The following EXOC4 variants were observed in gnomAD, a reference collection of about 807,000 sequenced individuals.
EXOC4 encodes SEC8-like 1.
EXOC4 carries 71 observed loss-of-function variants against 107.2 expected under a neutral mutation model. The ratio of observed to expected loss-of-function variants is 0.66; its 90% CI spans 0.55 to 0.81. The LOEUF is 0.81. EXOC4 is among the 30% of genes least tolerant of loss of function. The pLI is 0.00. For missense variants in EXOC4, 1,108 were observed against 1,189.6 expected (o/e 0.93, Z 1.01); for synonymous variants, 456 against 441.2 (o/e 1.03, Z -0.42).
At chr7:133,270,943 G>C (rs1266694893) in intron 1 of EXOC4, among the ~76,000 whole-genome samples, 1 of 147,792 alleles carries the variant, frequency 6.8e-6, no homozygotes, top group Admixed American at 6.7e-5. Flanking sequence ...TTTTGAGATG[G>C]AGTCTCTCTC....
chr7:133,754,863 A>G (rs558424426), intron 10 of EXOC4, among the ~76,000 whole-genome samples: 4 of 152,168 alleles, frequency 2.6e-5, no homozygotes, highest in South Asian at 2.1e-4. Flanking sequence ...CTTTTTCTCT[A>G]CATATTTGCC....
intron 11 of EXOC4, among the ~76,000 whole-genome samples, chr7:133,846,932 C>T (rs1288672266): frequency 6.6e-6 from 1 of 152,168 alleles, no homozygotes; most frequent in East Asian, 1.9e-4. Context: ...GTAAAGTTCA[C>T]GGTAATAGCA....
intron 2 of EXOC4, among the ~76,000 whole-genome samples, chr7:133,287,318 TA>T (rs1432594466): frequency 4.6e-5 from 7 of 151,798 alleles, no homozygotes; most frequent in East Asian, 3.9e-4. Context: ...TATATATGTA[TA>T]TTTTTTTTTG....
chr7:133,302,154 C>T (rs1794655091), intron 3 of EXOC4, among the ~76,000 whole-genome samples: 1 of 152,096 alleles, frequency 6.6e-6, no homozygotes, highest in African/African-American at 2.4e-5. Flanking sequence ...GTTATAGAAA[C>T]ATTTTTTAGA....
rs542629467 is a variant in EXOC4 at position 133,819,321 on chromosome 7, A to G, written c.1734+1777A>G. ...GATCCCAGATAGATCTCCCCAGTTAATCAGGATTTTAACACTTTGGTTTTT... is the reference window on the plus strand; with the variant it reads ...GATCCCAGATAGATCTCCCCAGTTAGTCAGGATTTTAACACTTTGGTTTTT... On this transcript the variant is annotated intron_variant, in intron 11 of 17. Coordinates refer to ENST00000253861, the MANE Select transcript of EXOC4 (RefSeq NM_021807.4). Among the ~76,000 whole-genome samples, 16 of 146,412 alleles carry G rather than the reference A, an allele frequency of 1.1e-4. No individual in the cohort carries two copies. The South Asian group carries it at 3.4e-3, about 31-fold the overall frequency.
the EXOC4 span, among the ~76,000 whole-genome samples, chr7:134,082,336 A>G: frequency 1.3e-5 from 2 of 152,176 alleles, no homozygotes; most frequent in Non-Finnish European, 1.5e-5. Context: ...GTAAACTGTC[A>G]TGGCACTGAT....
chr7:134,052,708 T>C (rs6975523), intron 17 of EXOC4, among the ~76,000 whole-genome samples: 63,771 of 152,072 alleles, frequency 0.42, 14,002 homozygotes, highest in East Asian at 0.61. Flanking sequence ...TATCCCATGC[T>C]TAAATGAAAA....
intron 6 of EXOC4, among the ~76,000 whole-genome samples, chr7:133,358,796 C>G (rs201968296): frequency 6.7e-6 from 1 of 149,836 alleles, no homozygotes; most frequent in Non-Finnish European, 1.5e-5. Flanking sequence ...TTTTTTTCCC[C>G]TTGCCTAAAC....
intron 11 of EXOC4, among the ~76,000 whole-genome samples, chr7:133,846,133 A>T (rs1396564504): frequency 6.6e-6 from 1 of 152,188 alleles, no homozygotes; most frequent in African/African-American, 2.4e-5. Context: ...ATAAGGGATA[A>T]AGTGAAAGGA....
chr7:134,035,310 GC>G (rs1795364513), intron 17 of EXOC4, among the ~76,000 whole-genome samples: 1 of 152,094 alleles, frequency 6.6e-6, no homozygotes, highest in East Asian at 1.9e-4. Context: ...CTCCCAAAGT[GC>G]TGGGATTACA....
At chr7:133,480,312 A>G in intron 9 of EXOC4, 174 bp downstream of exon 9, 1 of 1,439,424 alleles carries the variant, frequency 6.9e-7, no homozygotes, top group South Asian at 1.4e-5. Flanking sequence ...AGGTAAAACT[A>G]TTACTGTGGC....
chr7:133,743,645 A>AT (rs2151131003), intron 10 of EXOC4, among the ~76,000 whole-genome samples: 1 of 107,086 alleles, frequency 9.3e-6, no homozygotes, highest in African/African-American at 4.2e-5. Context: ...AAACCATGAA[A>AT]TTAGTCAAAA....
downstream of EXOC4, among the ~76,000 whole-genome samples, chr7:134,067,867 C>G (rs1274353062): frequency 6.6e-6 from 1 of 152,154 alleles, no homozygotes; most frequent in East Asian, 1.9e-4. Flanking sequence ...CAGGGTCTCT[C>G]ATCCTAGGCG....
intron 14 of EXOC4, among the ~76,000 whole-genome samples, chr7:133,949,996 C>A (rs998369995): frequency 6.6e-6 from 1 of 152,074 alleles, no homozygotes; most frequent in Non-Finnish European, 1.5e-5. Context: ...GGGGTCTTCC[C>A]TTCTTCTTTT....
intron 14 of EXOC4, among the ~76,000 whole-genome samples, chr7:133,952,915 C>CT (rs1179792384): frequency 6.6e-6 from 1 of 152,156 alleles, no homozygotes; most frequent in Non-Finnish European, 1.5e-5. Flanking sequence ...GCTTAGGGTG[C>CT]TTCCATCTTT....
intron 5 of EXOC4, among the ~76,000 whole-genome samples, chr7:133,317,632 A>AT (rs1173365125): frequency 6.6e-6 from 1 of 152,156 alleles, no homozygotes; most frequent in East Asian, 1.9e-4. Context: ...CTGCCTGCTG[A>AT]ATCCAGCTGC....
chr7:133,336,379 C>T (rs1795512892), intron 5 of EXOC4, among the ~76,000 whole-genome samples: 1 of 152,096 alleles, frequency 6.6e-6, no homozygotes, highest in Non-Finnish European at 1.5e-5. Flanking sequence ...AGGTCAGGGT[C>T]TATGCTCATA....
At chr7:133,898,745 CAAAAAAA>C (rs869131471) in intron 12 of EXOC4, among the ~76,000 whole-genome samples, 10 of 64,792 alleles carry the variant, frequency 1.5e-4, no homozygotes, top group East Asian at 9.4e-4. Flanking sequence ...GACTCTGTCT[CAAAAAAA>C]AAAAAAAAAA....
At chr7:134,018,542 G>A (rs1406231445) in intron 17 of EXOC4, among the ~76,000 whole-genome samples, 1 of 152,148 alleles carries the variant, frequency 6.6e-6, no homozygotes, top group Non-Finnish European at 1.5e-5. Context: ...TCTGTGGCCA[G>A]CACTCCGCTC....
Sources: gnomAD v4.1 joint callset for allele counts (sites outside exome capture counted in the v4.1 genomes callset) on GRCh38, gnomAD v4.1.1 for gene constraint, MANE v1.5 for transcripts, NCBI Gene and HGNC (gene_info 2026-07-23, HGNC 2026-07-21) for gene names.